MEF2A: variants seen among roughly 807,000 people sequenced by gnomAD.
The protein encoded by MEF2A is myocyte-specific enhancer factor 2A.
MEF2A carries 28 observed loss-of-function variants against 55.8 expected under a neutral mutation model. The observed-to-expected ratio is 0.50, with a 90% confidence interval of 0.37 to 0.69. The LOEUF (loss-of-function observed/expected upper bound fraction) is 0.69, where lower values mean the gene tolerates loss of function less well. Among genes scored for constraint, MEF2A ranks in the 30% least tolerant of loss-of-function variants. The probability of loss-of-function intolerance (pLI) is 0.00; values close to 1 mark genes in which losing one functional copy is unlikely to be tolerated. For missense variants in MEF2A, 528 were observed against 626.2 expected (o/e 0.84, Z 1.67); for synonymous variants, 239 against 227.1 (o/e 1.05, Z -0.47).
rs574452968 is a variant in MEF2A at position 99,684,971 on chromosome 15, T to G, written c.671-5270T>G. ...GGTGTCTTTTCCCTACTTTATGTTT[T>G]TGTTTGCTTTGTTGAAGATCAGTTG... is the stretch of plus-strand genomic sequence containing the variant. On this transcript the variant is annotated intron_variant, in intron 7 of 11. Transcript: ENST00000557942. Among the ~76,000 whole-genome samples the G allele has an allele frequency of 2.6e-5, 4 of 152,334 alleles. No individual in the cohort carries two copies. The South Asian group carries it at 8.3e-4, about 32-fold the overall frequency.
intron 1 of MEF2A, among the ~76,000 whole-genome samples, chr15:99,571,616 A>T (rs77110303): frequency 6.6e-6 from 1 of 151,982 alleles, no homozygotes. Context: ...TACTACTTTT[A>T]TTTTCCCAGC....
rs1307006181 is a variant in MEF2A at position 99,695,160 on chromosome 15, T to A, written c.858+4732T>A. On this transcript the variant is annotated intron_variant, in intron 8 of 11. Transcript: ENST00000557942. Reference sequence around the variant, plus strand: ...GAGTGCTTTCCCTCTTTTTAATTGCTCCAAAAGGTATCTGACTATGTAAGG... The same window carrying A: ...GAGTGCTTTCCCTCTTTTTAATTGCACCAAAAGGTATCTGACTATGTAAGG... 6.7e-3 allele frequency among the ~76,000 whole-genome samples: 1,020 copies of A among 152,292 alleles called. 11 individuals are homozygous for A. The highest frequency in any genetic ancestry group is 0.023 in the African/African-American group (969 of 41,552).
intron 1 of MEF2A, among the ~76,000 whole-genome samples, chr15:99,596,870 C>T (rs1971362710): frequency 6.6e-6 from 1 of 152,168 alleles, no homozygotes. Context: ...GAGGGACTGG[C>T]TGAAGCCATG....
intron 9 of MEF2A, among the ~76,000 whole-genome samples, chr15:99,703,810 T>C (rs921093593): frequency 2.6e-5 from 4 of 152,298 alleles, no homozygotes; most frequent in Middle Eastern, 3.4e-3. Context: ...TTTGGTGAGG[T>C]CACCTTTTTC....
chr15:99,706,810 C>T lies in MEF2A; in HGVS notation c.964C>T (p.Pro322Ser). The change falls in exon 10 of 12, where the codon CCG (proline) becomes TCG (serine). Residue 322 changes from proline to serine, a missense_variant. By Grantham distance (74) the Pro-to-Ser change is moderately conservative (BLOSUM62 -1). Transcript: ENST00000557942. ...VVSVTTPSLPPQGLVYSAMPT... is the reference protein window; with the variant it reads ...VVSVTTPSLPSQGLVYSAMPT... ...GTCTGTGACAACCCCAAGCTTGCCT[C>T]CGCAAGGACTTGTGTACTCAGCAAT... The T allele has an allele frequency of 6.2e-7, 1 of 1,614,054 alleles. No individual in the cohort carries two copies. The highest frequency in any genetic ancestry group is 1.1e-5 in the South Asian group (1 of 91,086).
At chr15:99,610,992 A>G in intron 2 of MEF2A, among the ~76,000 whole-genome samples, 1 of 152,250 alleles carries the variant, frequency 6.6e-6, no homozygotes, top group East Asian at 1.9e-4. Flanking sequence ...CTATAATCCC[A>G]GCACTTCGGG....
At chr15:99,622,945 C>G (rs553145441) in intron 2 of MEF2A, among the ~76,000 whole-genome samples, 1 of 152,216 alleles carries the variant, frequency 6.6e-6, no homozygotes, top group South Asian at 2.1e-4. Context: ...CATGATCCAC[C>G]CGCCTCGGCC....
At chr15:99,693,407 A>G (rs955565204) in intron 8 of MEF2A, among the ~76,000 whole-genome samples, 1 of 152,136 alleles carries the variant, frequency 6.6e-6, no homozygotes, top group East Asian at 1.9e-4. Context: ...TACTGCCAAC[A>G]CACACATGCA....
intron 2 of MEF2A, among the ~76,000 whole-genome samples, chr15:99,628,760 T>G (rs534964240): frequency 6.6e-6 from 1 of 152,264 alleles, no homozygotes; most frequent in Non-Finnish European, 1.5e-5. Flanking sequence ...TATTATTGTT[T>G]AGTCAGTATT....
chr15:99,709,932 C>T (rs932127083), intron 10 of MEF2A, among the ~76,000 whole-genome samples: 2 of 152,126 alleles, frequency 1.3e-5, no homozygotes, highest in Admixed American at 6.5e-5. Context: ...AGCTTGGCAC[C>T]CCATGTAGGG....
intron 1 of MEF2A, among the ~76,000 whole-genome samples, chr15:99,582,493 A>G (rs1029434231): frequency 5.9e-5 from 9 of 151,890 alleles, no homozygotes; most frequent in Non-Finnish European, 1.2e-4. Flanking sequence ...TTCATATTTG[A>G]CCTTATACTA....
At chr15:99,596,966 A>T (rs1189567174) in intron 1 of MEF2A, among the ~76,000 whole-genome samples, 1 of 152,188 alleles carries the variant, frequency 6.6e-6, no homozygotes, top group African/African-American at 2.4e-5. Flanking sequence ...GCCTGTCTTT[A>T]CTTCAGTCTC....
chr15:99,580,959 TG>T (rs1567155234), intron 1 of MEF2A, among the ~76,000 whole-genome samples: 1 of 152,150 alleles, frequency 6.6e-6, no homozygotes, highest in Admixed American at 6.5e-5. Context: ...CACTTGTTAT[TG>T]TGTTTAGTAA....
intron 2 of MEF2A, among the ~76,000 whole-genome samples, chr15:99,601,510 G>GTTTTTTTTTT (rs34835966): frequency 8.8e-6 from 1 of 113,908 alleles, no homozygotes; most frequent in Non-Finnish European, 1.8e-5. Context: ...CTTGGTCAGA[G>GTTTTTTTTTT]TTTTTTTTTT....
chr15:99,606,847 T>C (rs1975321087), intron 2 of MEF2A, among the ~76,000 whole-genome samples: 1 of 152,192 alleles, frequency 6.6e-6, no homozygotes, highest in South Asian at 2.1e-4. Flanking sequence ...GAGTAATACA[T>C]GTACATGTGT....
chr15:99,639,605 A>C (rs1380906328), intron 3 of MEF2A, among the ~76,000 whole-genome samples: 1 of 152,312 alleles, frequency 6.6e-6, no homozygotes, highest in African/African-American at 2.4e-5. Context: ...AGGAATTGCT[A>C]GGCTGAGTAT....
chr15:99,695,691 C>T (rs2056357730), intron 8 of MEF2A, among the ~76,000 whole-genome samples: 1 of 151,994 alleles, frequency 6.6e-6, no homozygotes, highest in African/African-American at 2.4e-5. Context: ...GAAACCCTGT[C>T]TCTACTAAAA....
intron 2 of MEF2A, among the ~76,000 whole-genome samples, chr15:99,631,572 C>A (rs1363226855): frequency 6.6e-6 from 1 of 152,038 alleles, no homozygotes; most frequent in Non-Finnish European, 1.5e-5. Context: ...ATTATGCAAA[C>A]TCATTTGCAT....
intron 1 of MEF2A, among the ~76,000 whole-genome samples, chr15:99,567,627 C>CTCTGTG (rs1960254637): frequency 2.1e-5 from 3 of 143,870 alleles, no homozygotes; most frequent in African/African-American, 7.7e-5. Context: ...TTTGTATGTA[C>CTCTGTG]TGTGTGTGTG....
Sources: allele counts gnomAD v4.1 joint callset (sites outside exome capture counted in the v4.1 genomes callset), GRCh38; gene constraint gnomAD v4.1.1; transcripts MANE v1.5; gene names NCBI Gene and HGNC (gene_info 2026-07-23, HGNC 2026-07-21).